Variants in TRPC6 observed in about 807,000 individuals in gnomAD.
TRPC6 encodes short transient receptor potential channel 6.
A neutral mutation model predicts 90.7 loss-of-function variants in TRPC6; 55 were observed. The ratio of observed to expected loss-of-function variants is 0.61; its 90% CI spans 0.49 to 0.76. The LOEUF is 0.76. TRPC6 is among the 30% of genes least tolerant of loss of function. The probability of loss-of-function intolerance (pLI) is 0.00; values close to 1 mark genes in which losing one functional copy is unlikely to be tolerated. For missense variants in TRPC6, 989 were observed against 1,122.7 expected (o/e 0.88, Z 1.70); for synonymous variants, 393 against 393.0 (o/e 1.00, Z 0.00).
chr11:101,568,088 T>C (rs1214349326), intron 1 of TRPC6, among the ~76,000 whole-genome samples: 1 of 152,112 alleles, frequency 6.6e-6, no homozygotes, highest in Non-Finnish European at 1.5e-5. Flanking sequence ...AAGGAGTATG[T>C]TCTAAGCCAA....
intron 1 of TRPC6, among the ~76,000 whole-genome samples, chr11:101,567,839 A>T (rs193028005): frequency 6.4e-4 from 97 of 152,334 alleles, no homozygotes; most frequent in African/African-American, 2.2e-3. Context: ...CAAAAAGGAC[A>T]TCCACTCACA....
chr11:101,520,383 A>G (rs1047219552), intron 1 of TRPC6, among the ~76,000 whole-genome samples: 4 of 152,176 alleles, frequency 2.6e-5, no homozygotes, highest in African/African-American at 4.8e-5. Flanking sequence ...TTTATAAATT[A>G]CTGAGTTTCA....
rs149109853 is a variant in TRPC6 at position 101,486,651 on chromosome 11, C to A, written c.1293+2286G>T. Among the ~76,000 whole-genome samples, 817 of 152,168 alleles carry A rather than the reference C, an allele frequency of 5.4e-3. 3 individuals carry two copies. The highest frequency in any genetic ancestry group is 0.019 in the African/African-American group (778 of 41,526). On this transcript the variant is annotated intron_variant, in intron 4 of 12. Transcript: ENST00000344327. ...GATTTCGGAATGGGGAAAGAAGAAA[C>A]CCAACTTTTGTTTCCTACAGCAAAA...
At chr11:101,470,255 T>G (rs961856175) in intron 9 of TRPC6, among the ~76,000 whole-genome samples, 1 of 152,232 alleles carries the variant, frequency 6.6e-6, no homozygotes, top group Non-Finnish European at 1.5e-5. Context: ...GAATTAAAAT[T>G]TAACAATTTG....
intron 1 of TRPC6, among the ~76,000 whole-genome samples, chr11:101,581,099 G>A (rs189644819): frequency 6.6e-6 from 1 of 152,276 alleles, no homozygotes; most frequent in African/African-American, 2.4e-5. Flanking sequence ...CTAGAGCATG[G>A]CTCACTCTTA....
At chr11:101,542,607 A>AT (rs1419601970) in intron 1 of TRPC6, among the ~76,000 whole-genome samples, 1 of 148,310 alleles carries the variant, frequency 6.7e-6, no homozygotes, top group Non-Finnish European at 1.5e-5. Flanking sequence ...AAGCTACAGC[A>AT]TTAAAAAAAA....
intron 1 of TRPC6, among the ~76,000 whole-genome samples, chr11:101,518,834 T>C (rs1296767619): frequency 5.3e-5 from 8 of 152,308 alleles, no homozygotes; most frequent in East Asian, 1.9e-4. Flanking sequence ...GTGGTACTTA[T>C]ACGCAATGGA....
At chr11:101,567,045 G>T (rs905819276) in intron 1 of TRPC6, among the ~76,000 whole-genome samples, 2 of 151,806 alleles carry the variant, frequency 1.3e-5, no homozygotes, top group African/African-American at 4.8e-5. Context: ...CCTGGAAAGG[G>T]GGCTGAAGTC....
intron 1 of TRPC6, among the ~76,000 whole-genome samples, chr11:101,544,351 A>G (rs1310460503): frequency 6.6e-6 from 1 of 152,158 alleles, no homozygotes; most frequent in African/African-American, 2.4e-5. Flanking sequence ...AACTAGAAAT[A>G]CCATTTGACT....
At chr11:101,559,788 C>A in intron 1 of TRPC6, among the ~76,000 whole-genome samples, 1 of 130,286 alleles carries the variant, frequency 7.7e-6, no homozygotes, top group African/African-American at 2.9e-5. Flanking sequence ...TCCCCCCTCC[C>A]CCCACCCCAC....
chr11:101,575,129 AGTTTCACACT>A (rs1241311130), intron 1 of TRPC6, among the ~76,000 whole-genome samples: 1 of 152,164 alleles, frequency 6.6e-6, no homozygotes, highest in African/African-American at 2.4e-5. Context: ...TTAAATCCCC[AGTTTCACACT>A]GTCATGTGAG....
Position 101,537,813 on chromosome 11 carries a change from C to T in TRPC6, c.171-33015G>A, listed in dbSNP as rs1011552726. 5.2e-4 allele frequency among the ~76,000 whole-genome samples: 78 copies of T among 151,420 alleles called. 1 individual carries two copies. Among genetic ancestry groups the T allele is most frequent in the African/African-American group, 1.7e-3 (69 of 41,282 alleles). ...TACATTTCTTTGCCTTATAATTCAC[C>T]TACTGGTTTTGCTTAGATGCCAAAT... On this transcript the variant is annotated intron_variant, in intron 1 of 12. Coordinates refer to ENST00000344327, the MANE Select transcript of TRPC6 (RefSeq NM_004621.6).
At chr11:101,469,762 C>A (rs975472670) in intron 9 of TRPC6, among the ~76,000 whole-genome samples, 1 of 152,164 alleles carries the variant, frequency 6.6e-6, no homozygotes, top group Non-Finnish European at 1.5e-5. Flanking sequence ...GCCACTCAAT[C>A]CACTGAGTTC....
chr11:101,482,762 G>A (rs956428080), intron 5 of TRPC6, among the ~76,000 whole-genome samples, 187 bp downstream of exon 5: 3 of 152,142 alleles, frequency 2.0e-5, no homozygotes, highest in South Asian at 2.1e-4. Flanking sequence ...CACAGCATGC[G>A]AGAAGACTAT....
At chr11:101,563,025 G>A (rs1182126605) in intron 1 of TRPC6, among the ~76,000 whole-genome samples, 2 of 152,084 alleles carry the variant, frequency 1.3e-5, no homozygotes, top group Non-Finnish European at 2.9e-5. Flanking sequence ...ATGTAAAGAG[G>A]TTAGAATTGT....
Position 101,471,262 on chromosome 11 carries a change from A to G in TRPC6, c.2330T>C (p.Leu777Ser). ...VPSPKSLFYL[L>S]LKLKKWISEL... ...AGAAATCCATTTTTTAAGCTTCAGT[A>G]AGAGATAAAACAGGGACTTTGGACT... The change falls in exon 9 of 13, where the codon TTA becomes TCA. Residue 777 changes from leucine to serine, a missense_variant. By Grantham distance (145) the Leu-to-Ser change is moderately radical. This residue lies in a region of TRPC6 where 191 missense variants were observed against 196.7 expected (regional missense o/e 0.97). Coordinates refer to ENST00000344327, the MANE Select transcript of TRPC6 (RefSeq NM_004621.6). The G allele has an allele frequency of 1.2e-6, 2 of 1,613,974 alleles. No homozygotes were observed. The highest frequency in any genetic ancestry group is 1.7e-6 in the Non-Finnish European group (2 of 1,179,878).
At chr11:101,472,734 A>G (rs1009873161) in intron 7 of TRPC6, among the ~76,000 whole-genome samples, 1 of 152,258 alleles carries the variant, frequency 6.6e-6, no homozygotes, top group African/African-American at 2.4e-5. Context: ...GGAAAATACA[A>G]TATAAACAGA....
At chr11:101,462,262 T>C (rs565075378) in intron 10 of TRPC6, among the ~76,000 whole-genome samples, 3 of 152,216 alleles carry the variant, frequency 2.0e-5, no homozygotes, top group South Asian at 2.1e-4. Flanking sequence ...TCCAGCTTTG[T>C]TCTTTTTGCT....
At chr11:101,551,706 A>G (rs1250719458) in intron 1 of TRPC6, among the ~76,000 whole-genome samples, 1 of 152,054 alleles carries the variant, frequency 6.6e-6, no homozygotes, top group African/African-American at 2.4e-5. Context: ...AGATGGGTCT[A>G]GAGTTTCTAC....
Sources: gnomAD v4.1 joint callset for allele counts (sites outside exome capture counted in the v4.1 genomes callset) on GRCh38, gnomAD v4.1.1 for gene constraint, gnomAD v4.1.1 regional missense constraint, MANE v1.5 for transcripts, NCBI Gene and HGNC (gene_info 2026-07-23, HGNC 2026-07-21) for gene names.